The following ZBTB11 variants were observed in gnomAD, a reference collection of about 807,000 sequenced individuals.
ZBTB11 encodes zinc finger and BTB domain containing 11, also known as zinc finger and BTB domain-containing protein 11.
ZBTB11 carries 68 observed loss-of-function variants against 113.1 expected under a neutral mutation model. That is an observed-to-expected ratio of 0.60 (90% confidence interval 0.49 to 0.74). The LOEUF is 0.74. Among genes scored for constraint, ZBTB11 ranks in the 30% least tolerant of loss-of-function variants. The pLI is 0.00. For missense variants in ZBTB11, 1,104 were observed against 1,279.4 expected (o/e 0.86, Z 2.09); for synonymous variants, 518 against 452.6 (o/e 1.14, Z -1.83).
Position 101,665,555 on chromosome 3 carries a change from A to T in ZBTB11, c.1032T>A (p.Val344=). 1 of 1,614,230 alleles carries T rather than the reference A, an allele frequency of 6.2e-7. No individual in the cohort carries two copies. Among genetic ancestry groups the T allele is most frequent in the Non-Finnish European group, 8.5e-7 (1 of 1,180,040 alleles). Residue 344 remains valine, a synonymous_variant, in exon 4 of 11, where the codon GTT becomes GTA. Coordinates refer to ENST00000312938, the MANE Select transcript of ZBTB11 (RefSeq NM_014415.4). Reference sequence around the variant, plus strand: ...TTGTTGTGGTTCCCTCACTGCTAGCAACAGGAGGTGCTGTACCTCCATTCT... The same window carrying T: ...TTGTTGTGGTTCCCTCACTGCTAGCTACAGGAGGTGCTGTACCTCCATTCT... ...RVQNGGTAPP[V]ASSEGTTTSL...
At chr3:101,665,835 C>CA (rs773629225) in intron 3 of ZBTB11, 27 bp from the exon 4 acceptor site, 7 of 1,536,304 alleles carry the variant, frequency 4.6e-6, no homozygotes, top group Non-Finnish European at 4.4e-6. Context: ...AAGGTAAAGA[C>CA]AAAAAAGTCA....
rs1937080719 is a variant in ZBTB11 at position 101,671,228 on chromosome 3, G to C, written c.680C>G (p.Ala227Gly). ...TLLIEGEEYK[A>G]HKSVLSANSE... ...ATTTGCTGACAAAACAGATTTATGAGCTTTGTACTCTTCTCCTTCAATTAA... is the reference window on the plus strand; with the variant it reads ...ATTTGCTGACAAAACAGATTTATGACCTTTGTACTCTTCTCCTTCAATTAA... Residue 227 changes from alanine (A) to glycine (G), a missense_variant, in exon 3 of 11, where the codon GCT becomes GGT. Ala to Gly is a moderately conservative substitution (Grantham distance 60). Coordinates refer to ENST00000312938, the MANE Select transcript of ZBTB11 (RefSeq NM_014415.4). 6.2e-7 allele frequency: 1 copy of C among 1,614,036 alleles called. No individual in the cohort carries two copies. Among genetic ancestry groups the C allele is most frequent in the African/African-American group, 1.3e-5 (1 of 74,924 alleles).
chr3:101,666,806 G>C (rs753081067), intron 3 of ZBTB11, among the ~76,000 whole-genome samples: 2 of 152,054 alleles, frequency 1.3e-5, no homozygotes, highest in Non-Finnish European at 2.9e-5. Flanking sequence ...CTAGAGTGCA[G>C]TGGTGAAATC....
chr3:101,660,380 T>C (rs909792712), intron 5 of ZBTB11, among the ~76,000 whole-genome samples: 1 of 152,218 alleles, frequency 6.6e-6, no homozygotes, highest in Admixed American at 6.5e-5. Flanking sequence ...CTGTGATTGA[T>C]GGTCCTTGGA....
rs769423665 is a variant in ZBTB11, at chr3:101,659,942, C to T, written c.1887G>A (p.Ser629=). 7.4e-6 allele frequency: 12 copies of T among 1,613,936 alleles called. No homozygotes were observed. Among genetic ancestry groups the T allele is most frequent in the Admixed American group, 5.0e-5 (3 of 59,970 alleles). Residue 629 remains serine, a synonymous_variant, in exon 6 of 11, where the codon TCG becomes TCA. Coordinates refer to ENST00000312938, the MANE Select transcript of ZBTB11 (RefSeq NM_014415.4). ...ATGCTTCATTAGACGTGGAATTGGA[C>T]GAGGATGAAGAGGGTGCATCTTTTC... The part of the protein sequence containing the change: ...HTRKDAPSSS[S]SNSTSNEASG...
At chr3:101,674,902 T>C (rs1937139083) in intron 1 of ZBTB11, among the ~76,000 whole-genome samples, 1 of 152,114 alleles carries the variant, frequency 6.6e-6, no homozygotes, top group Non-Finnish European at 1.5e-5. Flanking sequence ...AAAGGTCAGC[T>C]GTGTGACTTT....
intron 3 of ZBTB11, among the ~76,000 whole-genome samples, chr3:101,669,455 A>G (rs983628293): frequency 3.5e-4 from 54 of 152,346 alleles, no homozygotes; most frequent in African/African-American, 1.3e-3. Flanking sequence ...ATGATGTATT[A>G]TGTTGGAATA....
intron 5 of ZBTB11, among the ~76,000 whole-genome samples, chr3:101,663,120 T>C (rs1301612122): frequency 6.6e-6 from 1 of 152,096 alleles, no homozygotes; most frequent in East Asian, 1.9e-4. Flanking sequence ...TTTGTACTTT[T>C]AGTACAGGCG....
chr3:101,662,640 C>T (rs1936911675), intron 5 of ZBTB11, among the ~76,000 whole-genome samples: 1 of 152,162 alleles, frequency 6.6e-6, no homozygotes, highest in Non-Finnish European at 1.5e-5. Flanking sequence ...AACAAAAAAA[C>T]CCCACAGTAC....
intron 6 of ZBTB11, among the ~76,000 whole-genome samples, chr3:101,658,767 G>A (rs1351330714): frequency 6.6e-6 from 1 of 152,008 alleles, no homozygotes. Flanking sequence ...TTGGGGGTGA[G>A]GCATAAAAGA....
intron 3 of ZBTB11, among the ~76,000 whole-genome samples, chr3:101,667,446 T>C (rs1937015328): frequency 6.6e-6 from 1 of 152,238 alleles, no homozygotes; most frequent in Non-Finnish European, 1.5e-5. Flanking sequence ...GATTTTTAAA[T>C]ATACAATTGA....
chr3:101,651,705 C>G, intron 10 of ZBTB11, 22 bp from the exon 11 acceptor site: 13 of 1,349,410 alleles, frequency 9.6e-6, no homozygotes, highest in Non-Finnish European at 1.2e-5. Flanking sequence ...AAAAAAAAAG[C>G]ATGTGTAGTG....
intron 3 of ZBTB11, 99 bp from the exon 4 acceptor site, chr3:101,665,907 C>G (rs1045016063): frequency 5.8e-6 from 7 of 1,212,726 alleles, no homozygotes; most frequent in South Asian, 1.6e-5. Context: ...GCAAATATGA[C>G]CATTTGTTCT....
chr3:101,663,785 G>T (rs1286052483), intron 5 of ZBTB11, among the ~76,000 whole-genome samples: 1 of 152,130 alleles, frequency 6.6e-6, no homozygotes, highest in Non-Finnish European at 1.5e-5. Context: ...AGCTACTCAG[G>T]AGGCTGAGGC....
chr3:101,659,716 G>A, intron 6 of ZBTB11, 67 bp downstream of exon 6: 7 of 1,565,984 alleles, frequency 4.5e-6, no homozygotes, highest in Non-Finnish European at 6.1e-6. Flanking sequence ...TATCCCACCA[G>A]TCTCTTTGGC....
chr3:101,656,077 ACT>A, intron 7 of ZBTB11, 25 bp downstream of exon 7: 2 of 1,452,576 alleles, frequency 1.4e-6, no homozygotes, highest in Non-Finnish European at 1.8e-6. Context: ...ATGAAATGTA[ACT>A]ATGTCAATAT....
chr3:101,658,781 C>T (rs975641778), intron 6 of ZBTB11, among the ~76,000 whole-genome samples: 2 of 152,176 alleles, frequency 1.3e-5, no homozygotes, highest in African/African-American at 4.8e-5. Context: ...TAAAAGACTA[C>T]ACCCTGGGTA....
At position 101,676,998 on chromosome 3, in the gene ZBTB11, G is replaced by A; in HGVS notation, c.-84C>T. ...ACCTACGGGCGGCTGCAGGAGGAGC[G>A]GCGGCACCGTAGGGAGAAACGGCTG... On this transcript the variant is annotated 5_prime_UTR_variant, in exon 1 of 11. Coordinates refer to ENST00000312938, the MANE Select transcript of ZBTB11 (RefSeq NM_014415.4). 7.0e-7 allele frequency: 1 copy of A among 1,426,662 alleles called. No individual in the cohort carries two copies. Among genetic ancestry groups the A allele is most frequent in the Non-Finnish European group, 9.3e-7 (1 of 1,073,376 alleles). The allele number at this position is 1,426,662 out of a possible 1,614,324, so 88.4% of individuals were successfully genotyped here.
chr3:101,662,882 C>A (rs778213383), intron 5 of ZBTB11, among the ~76,000 whole-genome samples: 2 of 152,008 alleles, frequency 1.3e-5, no homozygotes, highest in Non-Finnish European at 2.9e-5. Context: ...CTGCCTTAGC[C>A]CCCAACAAAT....
Sources: gnomAD v4.1 joint callset for allele counts (sites outside exome capture counted in the v4.1 genomes callset) on GRCh38, gnomAD v4.1.1 for gene constraint, MANE v1.5 for transcripts, NCBI Gene and HGNC (gene_info 2026-07-23, HGNC 2026-07-21) for gene names.